STX16: variants seen among roughly 807,000 people sequenced by gnomAD.
STX16 encodes syntaxin-16.
STX16 carries 28 observed loss-of-function variants against 42.7 expected under a neutral mutation model. The observed-to-expected ratio is 0.66, with a 90% CI of 0.49 to 0.90. The LOEUF (loss-of-function observed/expected upper bound fraction) is 0.90. Ranked by LOEUF, STX16 falls within the 40% of genes least tolerant of loss-of-function variation. STX16 has a pLI of 0.00. For synonymous variants in STX16, 156 were observed against 155.2 expected (o/e 1.00, Z -0.04); for missense variants, 361 against 420.9 (o/e 0.86, Z 1.24).
intron 8 of STX16, among the ~76,000 whole-genome samples, chr20:58,675,654 G>A (rs2084096448): frequency 6.6e-6 from 1 of 152,192 alleles, no homozygotes; most frequent in Non-Finnish European, 1.5e-5. Flanking sequence ...TGGGGCACAC[G>A]TGTCTGTTTT....
intron 2 of STX16, among the ~76,000 whole-genome samples, chr20:58,663,360 A>G (rs1300945152): frequency 1.3e-5 from 2 of 152,256 alleles, no homozygotes; most frequent in East Asian, 1.9e-4. Flanking sequence ...TGTTCTTTCC[A>G]TAGATGGAGA....
At chr20:58,659,217 T>C (rs2083644419) in intron 1 of STX16, among the ~76,000 whole-genome samples, 1 of 152,212 alleles carries the variant, frequency 6.6e-6, no homozygotes, top group South Asian at 2.1e-4. Context: ...ACATTTTAGC[T>C]CTGCTCTCTT....
chr20:58,669,090 C>A (rs1012243965), intron 4 of STX16, among the ~76,000 whole-genome samples: 8 of 152,246 alleles, frequency 5.3e-5, no homozygotes, highest in African/African-American at 1.9e-4. Context: ...ACAGCAGGCC[C>A]TACATAGCAG....
In STX16 at chr20:58,678,975, G is replaced by C. The variant is rs945924330; in HGVS notation, c.*2684G>C. 4 of 152,302 alleles carry C rather than the reference G, an allele frequency of 2.6e-5. No homozygotes were observed. The highest frequency in any genetic ancestry group is 4.8e-5 in the African/African-American group (2 of 41,470). 9.4% of individuals were successfully genotyped at this position (152,302 alleles called of 1,614,324 possible). A position where few individuals can be genotyped will look rare whatever the true frequency, so the allele number is the denominator to read the frequency against. On this transcript the variant is annotated 3_prime_UTR_variant, in exon 9 of 9. Coordinates refer to ENST00000371141, the MANE Select transcript of STX16 (RefSeq NM_001001433.3). ...GCGCCCTCTGAGAGGAGGCCTAGCA[G>C]GGCAGGCTCCCTCTGGGCATCCCTG...
chr20:58,671,071 T>G, intron 6 of STX16, 83 bp from the exon 7 acceptor site: 1 of 1,309,208 alleles, frequency 7.6e-7, no homozygotes, highest in Non-Finnish European at 1.0e-6. Flanking sequence ...TTCATTGTCT[T>G]TAAATTATAT....
rs559949120 is a variant in STX16 at position 58,656,366 on chromosome 20, T to C, written c.133-3257T>C. Among the ~76,000 whole-genome samples the C allele has an allele frequency of 1.9e-3, 287 of 152,328 alleles. 1 individual carries two copies. Among genetic ancestry groups the C allele is most frequent in the Non-Finnish European group, 3.3e-3 (227 of 68,026 alleles). On this transcript the variant is annotated intron_variant, in intron 1 of 8. Coordinates refer to ENST00000371141, the MANE Select transcript of STX16 (RefSeq NM_001001433.3). ...TGTGCAAAAGTAACTTTCACATTAT[T>C]ATGCCAGCCAAGTGCAGGTTTTAAG... is the stretch of plus-strand genomic sequence containing the variant.
intron 2 of STX16, among the ~76,000 whole-genome samples, chr20:58,663,637 T>C (rs960206780): frequency 4.6e-5 from 7 of 150,588 alleles, no homozygotes; most frequent in Admixed American, 1.3e-4. Flanking sequence ...TTAAAAAATA[T>C]GGATTTTTTT....
rs2084174697 is a variant in STX16 at position 58,678,013 on chromosome 20, G to C, written c.*1722G>C. ...AGAATAAGAAGCCAGCACCTCATCA[G>C]TCAGCCCTGCAATGTGAGACTTCCG... On this transcript the variant is annotated 3_prime_UTR_variant, in exon 9 of 9. Transcript: ENST00000371141. 1 of 152,382 alleles carries C rather than the reference G, an allele frequency of 6.6e-6. No individual in the cohort carries two copies. Among genetic ancestry groups the C allele is most frequent in the African/African-American group, 2.4e-5 (1 of 41,590 alleles). 9.4% of individuals were successfully genotyped at this position (152,382 alleles called of 1,614,324 possible).
In STX16 at chr20:58,652,081, C is replaced by T. The variant is rs2083469563; in HGVS notation, c.75C>T (p.Ala25=). The change falls in exon 1 of 9, where the codon GCC becomes GCT. Residue 25 remains alanine (A), a synonymous_variant. Transcript: ENST00000371141. ...CCATCCAAAACCGGCAGCTGTTAGCCGAGCAAGTGAGTAGTCACATCACCT... is the reference window on the plus strand; with the variant it reads ...CCATCCAAAACCGGCAGCTGTTAGCTGAGCAAGTGAGTAGTCACATCACCT... ...NNSIQNRQLL[A]EQVSSHITSS... 1.9e-6 allele frequency: 3 copies of T among 1,614,076 alleles called. No individual in the cohort carries two copies. The highest frequency in any genetic ancestry group is 1.7e-6 in the Non-Finnish European group (2 of 1,180,046).
chr20:58,676,391 G>GA lies in STX16; in HGVS notation c.*102dup. 3 of 1,048,394 alleles carry GA rather than the reference G, an allele frequency of 2.9e-6. No homozygotes were observed. In the South Asian group the frequency reaches 4.0e-5, roughly 14 times the overall value. 64.9% of individuals were successfully genotyped at this position (1,048,394 alleles called of 1,614,324 possible). A position where few individuals can be genotyped will look rare whatever the true frequency, so the allele number is the denominator to read the frequency against. ...CTGCCCGCAGAGGTGCAGCCTCGAG[G>GA]AATCTGAGGGCGTCGGGGCAGCGAA... On this transcript the variant is annotated 3_prime_UTR_variant, in exon 9 of 9. Transcript: ENST00000371141.
intron 1 of STX16, among the ~76,000 whole-genome samples, chr20:58,655,671 C>T (rs1239744065): frequency 1.3e-5 from 2 of 152,138 alleles, no homozygotes; most frequent in East Asian, 3.9e-4. Context: ...TATTTGTGTC[C>T]TGGGGTCCTG....
chr20:58,658,163 C>A (rs949880165), intron 1 of STX16, among the ~76,000 whole-genome samples: 1 of 151,976 alleles, frequency 6.6e-6, no homozygotes, highest in Non-Finnish European at 1.5e-5. Flanking sequence ...AGATTTTAAC[C>A]GAGGTTTGCA....
chr20:58,676,615 C>T lies in STX16; in HGVS notation c.*324C>T, dbSNP rs936960281. ...TGAGAGTTTACAGGCACTGCAGAAG[C>T]TGTTCAGTATTATATGTGTATATGC... On this transcript the variant is annotated 3_prime_UTR_variant, in exon 9 of 9. Coordinates refer to ENST00000371141, the MANE Select transcript of STX16 (RefSeq NM_001001433.3). 4.5e-6 allele frequency: 1 copy of T among 221,184 alleles called. No individual in the cohort carries two copies. Among genetic ancestry groups the T allele is most frequent in the African/African-American group, 2.3e-5 (1 of 43,632 alleles). The allele number at this position is 221,184 out of a possible 1,614,324, so 13.7% of individuals were successfully genotyped here.
intron 1 of STX16, among the ~76,000 whole-genome samples, chr20:58,653,910 G>A (rs2083530599): frequency 6.6e-6 from 1 of 151,016 alleles, no homozygotes; most frequent in Non-Finnish European, 1.5e-5. Context: ...TATCTGAGAC[G>A]GGAAGCTTTT....
rs1288441119 is a variant in STX16, at chr20:58,678,818, G to A, written c.*2527G>A. 6.6e-6 allele frequency: 1 copy of A among 152,224 alleles called. No homozygotes were observed. Among genetic ancestry groups the A allele is most frequent in the African/African-American group, 2.4e-5 (1 of 41,432 alleles). 9.4% of individuals were successfully genotyped at this position (152,224 alleles called of 1,614,324 possible). ...TAGCATTTGAGGAAGTAAGAGAAAA[G>A]AATCATGGTACCTCAGGGTTTCTTT... On this transcript the variant is annotated 3_prime_UTR_variant, in exon 9 of 9. Coordinates refer to ENST00000371141, the MANE Select transcript of STX16 (RefSeq NM_001001433.3).
intron 1 of STX16, among the ~76,000 whole-genome samples, chr20:58,658,543 G>GT (rs1393555403): frequency 2.6e-5 from 4 of 152,150 alleles, no homozygotes; most frequent in African/African-American, 9.6e-5. Context: ...TGCTATCATT[G>GT]TTTAATAATA....
intron 1 of STX16, among the ~76,000 whole-genome samples, chr20:58,658,783 C>A (rs1435864740): frequency 6.6e-6 from 1 of 152,112 alleles, no homozygotes; most frequent in East Asian, 1.9e-4. Flanking sequence ...TAAAAAAGAA[C>A]CTTTACTTTT....
Position 58,676,212 on chromosome 20 carries a change from G to C in STX16, c.899G>C (p.Arg300Pro). Reference sequence around the variant, plus strand: ...GCAGAACAGTATCAAAAGAAGAATCGGAAGATGCTTGTGATTTTAATATTA... The same window carrying C: ...GCAGAACAGTATCAAAAGAAGAATCCGAAGATGCTTGTGATTTTAATATTA... ...HKAEQYQKKN[R>P]KMLVILILFV... The change falls in exon 9 of 9, where the codon CGG becomes CCG. Residue 300 changes from arginine to proline, a missense_variant. Arg to Pro is a moderately radical substitution (Grantham distance 103). Coordinates refer to ENST00000371141, the MANE Select transcript of STX16 (RefSeq NM_001001433.3). 6.2e-7 allele frequency: 1 copy of C among 1,614,096 alleles called. No individual in the cohort carries two copies. Among genetic ancestry groups the C allele is most frequent in the Non-Finnish European group, 8.5e-7 (1 of 1,179,978 alleles).
chr20:58,676,038 A>G (rs896133524), intron 8 of STX16, 149 bp from the exon 9 acceptor site: 1 of 631,948 alleles, frequency 1.6e-6, no homozygotes, highest in South Asian at 1.9e-5. Flanking sequence ...ATTCCGTGGG[A>G]TTGATTGGAG....
Sources: gnomAD v4.1 joint callset for allele counts (sites outside exome capture counted in the v4.1 genomes callset) on GRCh38, gnomAD v4.1.1 for gene constraint, MANE v1.5 for transcripts, NCBI Gene and HGNC (gene_info 2026-07-23, HGNC 2026-07-21) for gene names.